Variants in LRRTM4 observed in about 807,000 individuals in gnomAD.
LRRTM4 encodes leucine-rich repeat transmembrane neuronal protein 4.
LRRTM4 carries 25 observed loss-of-function variants against 47.6 expected under a neutral mutation model. The observed-to-expected ratio is 0.53, with a 90% CI of 0.38 to 0.73. The LOEUF (loss-of-function observed/expected upper bound fraction) is 0.73, where lower values mean the gene tolerates loss of function less well. Ranked by LOEUF, LRRTM4 falls within the 30% of genes least tolerant of loss-of-function variation. LRRTM4 has a pLI of 0.00. For missense variants in LRRTM4, 638 were observed against 713.4 expected (o/e 0.89, Z 1.20); for synonymous variants, 311 against 269.5 (o/e 1.15, Z -1.51).
At chr2:77,266,820 G>A (rs1039057620) in intron 3 of LRRTM4, among the ~76,000 whole-genome samples, 1 of 152,060 alleles carries the variant, frequency 6.6e-6, no homozygotes, top group African/African-American at 2.4e-5. Flanking sequence ...ACTGGAACAG[G>A]GAGTAAATGT....
At chr2:77,518,001 AAG>A in intron 3 of LRRTM4, 1 of 1,068,732 alleles carries the variant, frequency 9.4e-7, no homozygotes, top group Non-Finnish European at 1.1e-6. Flanking sequence ...TCAGAATGAA[AAG>A]AGTTTTGTTT....
chr2:76,993,973 A>G (rs1019243951), intron 3 of LRRTM4, among the ~76,000 whole-genome samples: 1 of 151,914 alleles, frequency 6.6e-6, no homozygotes, highest in Non-Finnish European at 1.5e-5. Flanking sequence ...AGATGCAGCT[A>G]AAGGCCATTA....
chr2:77,142,430 T>C (rs62160471), intron 3 of LRRTM4, among the ~76,000 whole-genome samples: 22 of 145,370 alleles, frequency 1.5e-4, no homozygotes, highest in South Asian at 4.4e-4. Context: ...CACACACACA[T>C]ACACACACAC....
intron 3 of LRRTM4, among the ~76,000 whole-genome samples, chr2:77,397,464 C>T (rs1673748424): frequency 6.6e-6 from 1 of 151,754 alleles, no homozygotes; most frequent in South Asian, 2.1e-4. Context: ...CACAGGACAG[C>T]AGGAGGTGAT....
At chr2:77,039,082 A>T (rs1005804442) in intron 3 of LRRTM4, among the ~76,000 whole-genome samples, 1 of 151,456 alleles carries the variant, frequency 6.6e-6, no homozygotes, top group African/African-American at 2.4e-5. Context: ...AGTGGAATTA[A>T]TTTAAAAAAT....
intron 3 of LRRTM4, among the ~76,000 whole-genome samples, chr2:77,352,492 T>C (rs1250425571): frequency 4.6e-5 from 7 of 152,140 alleles, no homozygotes; most frequent in Non-Finnish European, 8.8e-5. Flanking sequence ...GCCCACCTTA[T>C]TTAAAGTACT....
At chr2:77,506,914 G>C (rs1432393119) in intron 3 of LRRTM4, among the ~76,000 whole-genome samples, 2 of 151,874 alleles carry the variant, frequency 1.3e-5, no homozygotes, top group Admixed American at 1.3e-4. Context: ...GAACTTCAAA[G>C]TAATGTTATG....
intron 3 of LRRTM4, among the ~76,000 whole-genome samples, chr2:77,462,178 G>C (rs902887859): frequency 1.3e-5 from 2 of 152,032 alleles, no homozygotes; most frequent in Non-Finnish European, 2.9e-5. Flanking sequence ...TGGTCAGTTT[G>C]CTTGTTGTCT....
intron 3 of LRRTM4, among the ~76,000 whole-genome samples, chr2:77,244,792 A>G (rs1675385542): frequency 6.6e-6 from 1 of 152,188 alleles, no homozygotes; most frequent in Non-Finnish European, 1.5e-5. Context: ...CAATGTTTTT[A>G]ATTACCCTTT....
At chr2:76,862,672 T>C (rs939610953) in intron 3 of LRRTM4, among the ~76,000 whole-genome samples, 1 of 152,178 alleles carries the variant, frequency 6.6e-6, no homozygotes, top group African/African-American at 2.4e-5. Flanking sequence ...GTGATATGCA[T>C]AAAATAAGGC....
At chr2:76,843,367 C>T (rs1025500322) in intron 3 of LRRTM4, among the ~76,000 whole-genome samples, 1 of 151,976 alleles carries the variant, frequency 6.6e-6, no homozygotes, top group African/African-American at 2.4e-5. Context: ...TTAAAAAAAA[C>T]TTCAGTTATA....
intron 3 of LRRTM4, among the ~76,000 whole-genome samples, chr2:76,880,948 C>T (rs1055354046): frequency 6.6e-6 from 1 of 151,910 alleles, no homozygotes; most frequent in Non-Finnish European, 1.5e-5. Flanking sequence ...GGGAAGGGTA[C>T]AGGGAGTGGG....
In LRRTM4 at chr2:77,045,105, C is replaced by A. The variant is rs149140458; in HGVS notation, c.1552-296189G>T. Among the ~76,000 whole-genome samples, 336 of 151,870 alleles carry A rather than the reference C, an allele frequency of 2.2e-3. 2 individuals carry two copies. The highest frequency in any genetic ancestry group is 7.7e-3 in the African/African-American group (320 of 41,472). On this transcript the variant is annotated intron_variant, in intron 3 of 3. Transcript: ENST00000409884. The stretch of plus-strand genomic sequence containing the variant: ...AATATGGTATTTTTAGCAGAATATA[C>A]AAATGAAGTGAGAAATGTTTACCCA...
At chr2:77,248,655 G>A (rs1411358812) in intron 3 of LRRTM4, among the ~76,000 whole-genome samples, 1 of 152,090 alleles carries the variant, frequency 6.6e-6, no homozygotes, top group East Asian at 1.9e-4. Context: ...TTACCATAGA[G>A]TTATAGCAAT....
intron 3 of LRRTM4, among the ~76,000 whole-genome samples, chr2:76,798,333 C>T (rs1197235137): frequency 6.6e-6 from 1 of 151,978 alleles, no homozygotes; most frequent in African/African-American, 2.4e-5. Flanking sequence ...AACTGAACAA[C>T]CTGCTCCTGA....
chr2:76,989,119 G>T (rs1286921114), intron 3 of LRRTM4, among the ~76,000 whole-genome samples: 3 of 151,644 alleles, frequency 2.0e-5, no homozygotes, highest in Non-Finnish European at 4.4e-5. Context: ...TACATGTATT[G>T]TTCAGTTTTC....
At chr2:76,989,723 CTTA>C (rs1159762612) in intron 3 of LRRTM4, 2 of 151,766 alleles carry the variant, frequency 1.3e-5, no homozygotes, top group Non-Finnish European at 1.5e-5. Flanking sequence ...CATATTAAAG[CTTA>C]TTATTACTAT....
chr2:77,346,075 G>A (rs914073856), intron 3 of LRRTM4, among the ~76,000 whole-genome samples: 1 of 151,942 alleles, frequency 6.6e-6, no homozygotes, highest in African/African-American at 2.4e-5. Flanking sequence ...TGAATAAAAG[G>A]AGGTACTATG....
intron 3 of LRRTM4, among the ~76,000 whole-genome samples, chr2:77,431,182 A>G (rs888348194): frequency 6.7e-6 from 1 of 148,958 alleles, no homozygotes; most frequent in East Asian, 1.9e-4. Flanking sequence ...CTTCTCGTCT[A>G]TCTCTATCTA....
Sources: allele counts gnomAD v4.1 joint callset (sites outside exome capture counted in the v4.1 genomes callset), GRCh38; gene constraint gnomAD v4.1.1; transcripts MANE v1.5; gene names NCBI Gene and HGNC (gene_info 2026-07-23, HGNC 2026-07-21).